CACNA1C: variants seen among roughly 807,000 people sequenced by gnomAD.
The protein encoded by CACNA1C is voltage-dependent L-type calcium channel subunit alpha-1C.
A neutral mutation model predicts 229.0 loss-of-function variants in CACNA1C; 30 were observed. That is an observed-to-expected ratio of 0.13 (90% confidence interval 0.10 to 0.18). CACNA1C has a LOEUF of 0.18. Among genes scored for constraint, CACNA1C ranks in the 10% least tolerant of loss-of-function variants. The pLI is 1.00. For synonymous variants in CACNA1C, 1,114 were observed against 1,132.5 expected (o/e 0.98, Z 0.33); for missense variants, 1,658 against 2,845.0 (o/e 0.58, Z 9.49).
intron 30 of CACNA1C, chr12:2,641,698 T>C: frequency 1.4e-6 from 1 of 702,420 alleles, no homozygotes; most frequent in Non-Finnish European, 2.6e-6. Flanking sequence ...TTCTAATAGA[T>C]CATTGTACCT....
At chr12:2,087,232 G>A (rs984845192) in intron 1 of CACNA1C, among the ~76,000 whole-genome samples, 6 of 152,282 alleles carry the variant, frequency 3.9e-5, no homozygotes, top group Middle Eastern at 3.4e-3. Flanking sequence ...TGGACCATCT[G>A]ATTCTTGGTA....
intron 3 of CACNA1C, among the ~76,000 whole-genome samples, chr12:2,227,153 T>A (rs1392563307): frequency 2.0e-5 from 3 of 152,196 alleles, no homozygotes; most frequent in Non-Finnish European, 4.4e-5. Context: ...AATCATCCCC[T>A]CCTGACTTTA....
intron 3 of CACNA1C, among the ~76,000 whole-genome samples, chr12:2,442,466 G>A (rs566370749): frequency 6.6e-6 from 1 of 152,288 alleles, no homozygotes; most frequent in East Asian, 1.9e-4. Flanking sequence ...AGAGAAAGTG[G>A]TAGAAAGGAA....
Position 2,486,391 on chromosome 12 carries a change from G to A in CACNA1C, c.916+129G>A. On this transcript the variant is annotated intron_variant, in intron 6 of 46. Coordinates refer to ENST00000399655, the MANE Select transcript of CACNA1C (RefSeq NM_000719.7). This position sits in a 1 kb window ranked among gnomAD's most constrained non-coding sequence, Gnocchi z 4.9. ...GGCCCCATTCATTCAGACACACACTGGGCATGGTTAAGTGAGAGGCAGAGA... is the reference window on the plus strand; with the variant it reads ...GGCCCCATTCATTCAGACACACACTAGGCATGGTTAAGTGAGAGGCAGAGA... The A allele has an allele frequency of 1.5e-6, 1 of 672,234 alleles. No individual in the cohort carries two copies. The allele number at this position is 672,234 out of a possible 1,614,324, so 41.6% of individuals were successfully genotyped here. A position where few individuals can be genotyped will look rare whatever the true frequency, so the allele number is the denominator to read the frequency against.
At chr12:2,469,754 T>C (rs7971379) in intron 5 of CACNA1C, among the ~76,000 whole-genome samples, 112,695 of 152,126 alleles carry the variant, frequency 0.74, 42,313 homozygotes, top group East Asian at 0.88. Context: ...TACTAATAAA[T>C]ACTTGTGCAA....
chr12:2,498,478 A>G (rs1328669386), intron 7 of CACNA1C, among the ~76,000 whole-genome samples: 3 of 152,164 alleles, frequency 2.0e-5, no homozygotes, highest in Admixed American at 6.5e-5. Context: ...CATTTTATTT[A>G]TTTTGCTGGT....
chr12:2,367,150 A>G (rs1420652053), intron 3 of CACNA1C, among the ~76,000 whole-genome samples: 3 of 152,198 alleles, frequency 2.0e-5, no homozygotes, highest in Non-Finnish European at 4.4e-5. Flanking sequence ...GGGTTTTGGG[A>G]TGAAGCTGTT....
chr12:2,445,273 G>A (rs1027166050), intron 3 of CACNA1C, among the ~76,000 whole-genome samples: 5 of 152,220 alleles, frequency 3.3e-5, no homozygotes, highest in East Asian at 3.9e-4. Context: ...GCTTGCCTCC[G>A]GAATGCCATG....
In CACNA1C at chr12:2,201,515, AC is replaced by A. The variant is rs1224145420; in HGVS notation, c.477+81086del. Among the ~76,000 whole-genome samples the A allele has an allele frequency of 2.6e-5, 4 of 152,212 alleles. No individual in the cohort carries two copies. The East Asian group carries it at 7.7e-4, about 29-fold the overall frequency. On this transcript the variant is annotated intron_variant, in intron 3 of 46. Transcript: ENST00000399655. ...TGTGTTCTCCCAGACTGAACAGAAGACTGGAAATGTCTTCCCTTAGGTCTTT... is the reference window on the plus strand; with the variant it reads ...TGTGTTCTCCCAGACTGAACAGAAGATGGAAATGTCTTCCCTTAGGTCTTT...
chr12:2,117,741 C>T (rs761558133), intron 2 of CACNA1C, among the ~76,000 whole-genome samples: 11 of 152,244 alleles, frequency 7.2e-5, no homozygotes, highest in Non-Finnish European at 1.5e-4. Flanking sequence ...CACTGGGACA[C>T]GCCGGACCTG....
rs553734150 is a variant in CACNA1C, at chr12:2,623,333, G to C, written c.3829-10964G>C. On this transcript the variant is annotated intron_variant, in intron 29 of 46. Transcript: ENST00000399655. ...GTTCCTCGTGGTTCTGCTTGGTCCT[G>C]AGTGCCCCCACGAGCCTCTCCATGG... Among the ~76,000 whole-genome samples, 226 of 152,086 alleles carry C rather than the reference G, an allele frequency of 1.5e-3. 1 individual carries two copies. The highest frequency in any genetic ancestry group is 5.1e-3 in the African/African-American group (213 of 41,482).
chr12:2,515,217 G>A (rs2099794025), intron 9 of CACNA1C, among the ~76,000 whole-genome samples: 1 of 152,210 alleles, frequency 6.6e-6, no homozygotes, highest in Admixed American at 6.5e-5. Flanking sequence ...GATGTAGAGA[G>A]TAAGATAGAC....
chr12:2,544,315 T>C (rs772230011), intron 9 of CACNA1C, among the ~76,000 whole-genome samples: 6 of 152,214 alleles, frequency 3.9e-5, no homozygotes, highest in Non-Finnish European at 8.8e-5. Context: ...AGGAAGTCCA[T>C]TGACTATAAT....
chr12:2,546,841 C>T (rs1179741741), intron 9 of CACNA1C, among the ~76,000 whole-genome samples: 1 of 152,204 alleles, frequency 6.6e-6, no homozygotes, highest in Non-Finnish European at 1.5e-5. Context: ...TGGGTCTTTG[C>T]TGAATAGAAT....
rs2097818385 is a variant in CACNA1C, at chr12:2,694,126, A to T, written c.*2927A>T. The T allele has an allele frequency of 6.6e-6, 1 of 152,246 alleles. No individual in the cohort carries two copies. Among genetic ancestry groups the T allele is most frequent in the Admixed American group, 6.5e-5 (1 of 15,286 alleles). The allele number at this position is 152,246 out of a possible 1,614,324, so 9.4% of individuals were successfully genotyped here. On this transcript the variant is annotated 3_prime_UTR_variant, in exon 47 of 47. Coordinates refer to ENST00000399655, the MANE Select transcript of CACNA1C (RefSeq NM_000719.7). ...AAGATTTCTACCAGGAGGTACACACAGGCGTTCCCTGTCTAGGGCAGGAGG... is the reference window on the plus strand; with the variant it reads ...AAGATTTCTACCAGGAGGTACACACTGGCGTTCCCTGTCTAGGGCAGGAGG...
At chr12:2,404,241 G>C (rs142229401) in intron 3 of CACNA1C, among the ~76,000 whole-genome samples, 178 of 152,304 alleles carry the variant, frequency 1.2e-3, no homozygotes, top group African/African-American at 4.2e-3. Flanking sequence ...GGAGCCCCAT[G>C]CTCCTCAGGA....
chr12:2,323,630 G>A (rs899702492), intron 3 of CACNA1C, among the ~76,000 whole-genome samples: 1 of 152,162 alleles, frequency 6.6e-6, no homozygotes, highest in African/African-American at 2.4e-5. Context: ...CAAAAAACCA[G>A]ACCTGAGGCA....
chr12:2,279,698 T>C (rs1399323454), intron 3 of CACNA1C, among the ~76,000 whole-genome samples: 1 of 152,158 alleles, frequency 6.6e-6, no homozygotes, highest in Non-Finnish European at 1.5e-5. Context: ...GTTCTGCACA[T>C]GCAAATTGAA....
intron 3 of CACNA1C, among the ~76,000 whole-genome samples, chr12:2,246,571 G>A (rs1172702709): frequency 1.3e-5 from 2 of 152,214 alleles, no homozygotes; most frequent in South Asian, 2.1e-4. Context: ...AATTCATACC[G>A]TTGTTGTCCC....
Sources: gnomAD v4.1 joint callset for allele counts (sites outside exome capture counted in the v4.1 genomes callset) on GRCh38, gnomAD v4.1.1 for gene constraint, Gnocchi (gnomAD v3.1) non-coding constraint, MANE v1.5 for transcripts, NCBI Gene and HGNC (gene_info 2026-07-23, HGNC 2026-07-21) for gene names.